The following MYO9B variants were observed in gnomAD, a reference collection of about 807,000 sequenced individuals.
MYO9B encodes myosin IXB, also known as unconventional myosin-IXb.
A neutral mutation model predicts 229.5 loss-of-function variants in MYO9B; 71 were observed. The observed-to-expected ratio is 0.31, with a 90% CI of 0.26 to 0.38. MYO9B has a LOEUF of 0.38. MYO9B is among the 10% of genes least tolerant of loss of function. MYO9B has a pLI of 1.00. For synonymous variants in MYO9B, 1,185 were observed against 1,235.8 expected, an observed-to-expected ratio of 0.96 and a Z score of 0.86; for missense variants, 2,255 against 2,920.5, an observed-to-expected ratio of 0.77 and a Z score of 5.25.
intron 11 of MYO9B, among the ~76,000 whole-genome samples, chr19:17,169,346 T>C (rs1333258413): frequency 8.1e-6 from 1 of 123,020 alleles, no homozygotes; most frequent in Non-Finnish European, 1.6e-5. Flanking sequence ...CACTCCAGCC[T>C]GGGTGACAGA....
At chr19:17,206,911 G>T in intron 34 of MYO9B, 127 bp downstream of exon 34, 1 of 1,207,598 alleles carries the variant, frequency 8.3e-7, no homozygotes, top group Non-Finnish European at 1.2e-6. Context: ...GACCACTGTT[G>T]GGGGTTCTGG....
At chr19:17,190,921 A>G (rs901176821) in intron 19 of MYO9B, among the ~76,000 whole-genome samples, 176 bp from the exon 20 acceptor site, 1 of 152,166 alleles carries the variant, frequency 6.6e-6, no homozygotes. Context: ...CTGGGAGTAC[A>G]GGTGTGAGCC....
In MYO9B at chr19:17,195,198, C is replaced by T. The variant is rs771425776; in HGVS notation, c.3771C>T (p.Asp1257=). The T allele has an allele frequency of 1.2e-5, 20 of 1,611,738 alleles. No individual in the cohort carries two copies. The highest frequency in any genetic ancestry group is 1.5e-5 in the Non-Finnish European group (18 of 1,179,612). The change falls in exon 22 of 40, where the codon GAC becomes GAT. Residue 1257 remains aspartate, a synonymous_variant. Coordinates refer to ENST00000682292, the MANE Select transcript of MYO9B (RefSeq NM_004145.4). This position sits in a 1 kb window ranked among gnomAD's most constrained non-coding sequence, Gnocchi z 4.5. ...AGCGGCCGACCAGCCTGGCCCTGGACAGCAGGGTCAGCCCACCGGCCCCTG... is the reference window on the plus strand; with the variant it reads ...AGCGGCCGACCAGCCTGGCCCTGGATAGCAGGGTCAGCCCACCGGCCCCTG... ...QLERPTSLAL[D]SRVSPPAPGS...
chr19:17,095,909 C>G (rs1209187256), intron 1 of MYO9B: 1 of 151,880 alleles, frequency 6.6e-6, no homozygotes, highest in Non-Finnish European at 1.5e-5. Context: ...ACTACATGCG[C>G]CCCCCCACCA....
intron 3 of MYO9B, among the ~76,000 whole-genome samples, chr19:17,148,211 A>G (rs950495549): frequency 2.0e-5 from 3 of 152,174 alleles, no homozygotes; most frequent in East Asian, 1.9e-4. Context: ...CTACAGTTCC[A>G]TGCCTCCCTT....
Position 17,089,254 on chromosome 19 carries a change from C to T in MYO9B, c.-58-12406C>T, listed in dbSNP as rs937438755. Among the ~76,000 whole-genome samples the T allele has an allele frequency of 2.6e-5, 4 of 151,718 alleles. No individual in the cohort carries two copies. In the South Asian group the frequency reaches 8.3e-4, roughly 32 times the overall value. On this transcript the variant is annotated intron_variant, in intron 1 of 39. Transcript: ENST00000682292. ...GTGTGTGTCCATCTTTCCCATACTG[C>T]CCATGAGCGTTTCTTCTAAAAAAAA...
chr19:17,129,532 C>T (rs1280397596), intron 2 of MYO9B, among the ~76,000 whole-genome samples: 3 of 152,322 alleles, frequency 2.0e-5, no homozygotes, highest in Middle Eastern at 3.4e-3. Flanking sequence ...CGTAACCAAA[C>T]GTGTCAGGGC....
chr19:17,090,593 T>C (rs2057628404), intron 1 of MYO9B, among the ~76,000 whole-genome samples: 1 of 152,238 alleles, frequency 6.6e-6, no homozygotes, highest in South Asian at 2.1e-4. Context: ...TTGATTTTCA[T>C]TTGGTGACAA....
chr19:17,202,339 T>G (rs767586912), intron 28 of MYO9B, 36 bp downstream of exon 28: 188 of 1,533,978 alleles, frequency 1.2e-4, no homozygotes, highest in Non-Finnish European at 1.5e-4. Context: ...ACCTGTGACA[T>G]GCCACGCCTA....
In MYO9B at chr19:17,123,651, C is replaced by T. The variant is rs114884940; in HGVS notation, c.840+21094C>T. Among the ~76,000 whole-genome samples, 563 of 152,094 alleles carry T rather than the reference C, an allele frequency of 3.7e-3. 1 individual carries two copies. The highest frequency in any genetic ancestry group is 0.013 in the African/African-American group (552 of 41,490). On this transcript the variant is annotated intron_variant, in intron 2 of 39. Coordinates refer to ENST00000682292, the MANE Select transcript of MYO9B (RefSeq NM_004145.4). ...AGACGGGTCTTGAACTCAGGTGATC[C>T]GTCTGTCACAGCCTCCCAAAGTACT...
intron 2 of MYO9B, among the ~76,000 whole-genome samples, chr19:17,125,157 C>T (rs868021379): frequency 3.9e-5 from 6 of 152,002 alleles, no homozygotes; most frequent in Non-Finnish European, 5.9e-5. Flanking sequence ...AAAACTTAGC[C>T]GGGCGTGGTG....
chr19:17,134,070 C>A (rs1437215095), intron 2 of MYO9B, among the ~76,000 whole-genome samples: 2 of 151,932 alleles, frequency 1.3e-5, no homozygotes, highest in African/African-American at 4.8e-5. Context: ...CTGCTTTCTA[C>A]TTCTGTGAGT....
intron 1 of MYO9B, among the ~76,000 whole-genome samples, chr19:17,083,673 T>G (rs1441457471): frequency 6.7e-6 from 1 of 148,558 alleles, no homozygotes; most frequent in East Asian, 2.0e-4. Context: ...TGAGACTGAG[T>G]TTCGTTCTTG....
intron 1 of MYO9B, among the ~76,000 whole-genome samples, chr19:17,083,636 T>G (rs979036747): frequency 7.1e-6 from 1 of 140,258 alleles, no homozygotes; most frequent in Admixed American, 7.9e-5. Flanking sequence ...AGTCCTAGGA[T>G]GCTGCCCTCT....
intron 1 of MYO9B, among the ~76,000 whole-genome samples, chr19:17,080,429 A>G (rs1299798862): frequency 6.6e-6 from 1 of 152,118 alleles, no homozygotes; most frequent in African/African-American, 2.4e-5. Flanking sequence ...CTGTTGGCTC[A>G]TACATAGCCG....
rs184850945 is a variant in MYO9B, at chr19:17,159,529, C to A, written c.1419+45C>A. The A allele has an allele frequency of 2.6e-4, 391 of 1,520,358 alleles. No homozygotes were observed. The African/African-American group carries it at 4.2e-3, about 16-fold the overall frequency. The allele number at this position is 1,520,358 out of a possible 1,614,324, so 94.2% of individuals were successfully genotyped here. A position where few individuals can be genotyped will look rare whatever the true frequency, so the allele number is the denominator to read the frequency against. The stretch of plus-strand genomic sequence containing the variant: ...TCACAGGGTGCCAGATCCCAAAAAC[C>A]AAGTGGGAATGGTCTTTGGAAAGAG... On this transcript the variant is annotated intron_variant, in intron 8 of 39. Transcript: ENST00000682292.
chr19:17,095,157 C>A (rs1397068644), intron 1 of MYO9B, among the ~76,000 whole-genome samples: 1 of 152,036 alleles, frequency 6.6e-6, no homozygotes, highest in Non-Finnish European at 1.5e-5. Context: ...GCAGGAGAAT[C>A]GCTTGAACCC....
rs1230353287 is a variant in MYO9B at position 17,193,292 on chromosome 19, G to A, written c.3128+230G>A. ...ACAAAGCCCTGCTTTGCCATTGGCT[G>A]CACCCATTCTCTGCCCAGGGACTCC... On this transcript the variant is annotated intron_variant, in intron 21 of 39. Coordinates refer to ENST00000682292, the MANE Select transcript of MYO9B (RefSeq NM_004145.4). The surrounding 1 kb of genome is among the most constrained non-coding windows in gnomAD (Gnocchi z 4.3). Among the ~76,000 whole-genome samples the A allele has an allele frequency of 6.6e-6, 1 of 152,184 alleles. No individual in the cohort carries two copies. The highest frequency in any genetic ancestry group is 1.5e-5 in the Non-Finnish European group (1 of 68,022).
At chr19:17,186,053 G>A (rs1403281373) in intron 18 of MYO9B, 52 bp downstream of exon 18, 2 of 1,530,330 alleles carry the variant, frequency 1.3e-6, no homozygotes, top group Non-Finnish European at 1.8e-6. Flanking sequence ...GGACTCTTAG[G>A]GGTGTCGGTG....
Sources: gnomAD v4.1 joint callset for allele counts (sites outside exome capture counted in the v4.1 genomes callset) on GRCh38, gnomAD v4.1.1 for gene constraint, Gnocchi (gnomAD v3.1) non-coding constraint, MANE v1.5 for transcripts, NCBI Gene and HGNC (gene_info 2026-07-23, HGNC 2026-07-21) for gene names.